Variants in SPAG16 observed in about 807,000 individuals in gnomAD.
SPAG16 encodes the protein sperm associated antigen 16, also known as sperm-associated antigen 16 protein.
SPAG16 carries 86 observed loss-of-function variants against 80.4 expected under a neutral mutation model. The observed-to-expected ratio is 1.07, with a 90% CI of 0.90 to 1.28. The LOEUF is 1.28. SPAG16 is among the 50% of genes most tolerant of loss of function. The pLI is 0.00. For missense variants in SPAG16, 870 were observed against 765.3 expected (o/e 1.14, Z -1.61); for synonymous variants, 294 against 265.9 (o/e 1.11, Z -1.03).
intron 10 of SPAG16, among the ~76,000 whole-genome samples, chr2:213,547,727 A>G (rs887953746): frequency 7.2e-5 from 11 of 152,194 alleles, no homozygotes; most frequent in African/African-American, 2.7e-4. Flanking sequence ...ACCATACTCC[A>G]CCTGCAAGTA....
chr2:213,457,303 A>G (rs995637313), intron 9 of SPAG16, among the ~76,000 whole-genome samples: 3 of 152,180 alleles, frequency 2.0e-5, no homozygotes, highest in African/African-American at 7.2e-5. Context: ...GGTTTAGAGT[A>G]GGGTGGAGAC....
chr2:213,951,527 C>T (rs1275935587), intron 12 of SPAG16, among the ~76,000 whole-genome samples: 1 of 152,048 alleles, frequency 6.6e-6, no homozygotes. Context: ...GACAAAAGCA[C>T]ATAAAAGAGA....
intron 10 of SPAG16, among the ~76,000 whole-genome samples, chr2:213,626,529 T>C (rs1462983168): frequency 6.6e-6 from 1 of 152,160 alleles, no homozygotes; most frequent in African/African-American, 2.4e-5. Flanking sequence ...CAACATCTGT[T>C]TACAAATTTA....
intron 10 of SPAG16, among the ~76,000 whole-genome samples, chr2:213,651,781 T>G (rs1039116873): frequency 6.6e-6 from 1 of 152,214 alleles, no homozygotes; most frequent in African/African-American, 2.4e-5. Flanking sequence ...CGATATTGTT[T>G]GGGTATTGTG....
At chr2:213,867,513 T>G (rs190685504) in intron 11 of SPAG16, among the ~76,000 whole-genome samples, 33 of 152,330 alleles carry the variant, frequency 2.2e-4, no homozygotes, top group African/African-American at 7.9e-4. Flanking sequence ...ATAGTTTGAT[T>G]GTGAAGACTA....
At chr2:213,431,627 A>G (rs1340631691) in intron 9 of SPAG16, among the ~76,000 whole-genome samples, 16 of 152,152 alleles carry the variant, frequency 1.1e-4, no homozygotes, top group Admixed American at 7.9e-4. Flanking sequence ...CTAGACCTAA[A>G]GAAAGAGATA....
intron 11 of SPAG16, among the ~76,000 whole-genome samples, chr2:213,886,332 A>T (rs1295817139): frequency 6.6e-6 from 1 of 152,120 alleles, no homozygotes; most frequent in Non-Finnish European, 1.5e-5. Flanking sequence ...GGATATTCAG[A>T]AACTAGAATC....
intron 10 of SPAG16, among the ~76,000 whole-genome samples, chr2:213,669,494 A>C (rs1037013346): frequency 6.6e-6 from 1 of 152,252 alleles, no homozygotes; most frequent in Non-Finnish European, 1.5e-5. Flanking sequence ...TATTCAATGA[A>C]TAGTTAAGCA....
intron 15 of SPAG16, among the ~76,000 whole-genome samples, chr2:214,350,028 T>A (rs939993621): frequency 1.1e-4 from 17 of 152,254 alleles, no homozygotes; most frequent in Non-Finnish European, 2.1e-4. Flanking sequence ...GCAAAGCTAA[T>A]GTTCCTCTCA....
chr2:213,676,526 A>G (rs1292945623), intron 10 of SPAG16, among the ~76,000 whole-genome samples: 8 of 152,012 alleles, frequency 5.3e-5, no homozygotes, highest in Non-Finnish European at 8.8e-5. Context: ...GGTTTGTCAT[A>G]GATAGCTCTT....
chr2:213,580,237 C>A (rs1362455469), intron 10 of SPAG16, among the ~76,000 whole-genome samples: 1 of 152,074 alleles, frequency 6.6e-6, no homozygotes, highest in Non-Finnish European at 1.5e-5. Context: ...AGTTTATTAC[C>A]ATTAGATCAT....
Position 214,165,469 on chromosome 2 carries a change from C to CTTTTTTTTTTTTTTTTTTT in SPAG16, c.1720+16222_1720+16240dup, listed in dbSNP as rs67726428. 1.1e-4 allele frequency among the ~76,000 whole-genome samples: 4 copies of CTTTTTTTTTTTTTTTTTTT among 37,856 alleles called. 1 individual carries two copies. Among genetic ancestry groups the CTTTTTTTTTTTTTTTTTTT allele is most frequent in the African/African-American group, 4.2e-4 (3 of 7,174 alleles). The allele number at this position is 37,856 out of a possible 152,430, so 24.8% of individuals were successfully genotyped here. ...TTTAAAAATGCTTTGCATCACCATCCTTTTTTTTTTTTTTTTTTTTTTTTT... is the reference window on the plus strand; with the variant it reads ...TTTAAAAATGCTTTGCATCACCATCCTTTTTTTTTTTTTTTTTTTTTTTTTTTTTTTTTTTTTTTTTTTT... On this transcript the variant is annotated intron_variant, in intron 15 of 15. Transcript: ENST00000331683.
intron 9 of SPAG16, among the ~76,000 whole-genome samples, chr2:213,401,374 CGTT>C (rs370299807): frequency 3.9e-5 from 6 of 152,014 alleles, no homozygotes; most frequent in African/African-American, 1.4e-4. Context: ...TGTTTATTTC[CGTT>C]GTTTTGCTGT....
At chr2:213,944,637 T>G (rs2079360499) in intron 12 of SPAG16, among the ~76,000 whole-genome samples, 1 of 152,168 alleles carries the variant, frequency 6.6e-6, no homozygotes, top group Non-Finnish European at 1.5e-5. Context: ...TGGCATGGAA[T>G]TAATGTATTT....
intron 8 of SPAG16, among the ~76,000 whole-genome samples, chr2:213,370,088 G>T (rs1042144540): frequency 1.3e-5 from 2 of 152,094 alleles, no homozygotes; most frequent in African/African-American, 4.8e-5. Flanking sequence ...AATATTTTAT[G>T]TTAAAGTAGT....
rs143428911 is a variant in SPAG16, at chr2:213,351,605, C to G, written c.762+960C>G. Among the ~76,000 whole-genome samples, 797 of 152,228 alleles carry G rather than the reference C, an allele frequency of 5.2e-3. 4 individuals are homozygous for G. Among genetic ancestry groups the G allele is most frequent in the African/African-American group, 0.017 (705 of 41,546 alleles). On this transcript the variant is annotated intron_variant, in intron 7 of 15. Coordinates refer to ENST00000331683, the MANE Select transcript of SPAG16 (RefSeq NM_024532.5). ...TTTTTTAGAATATATAAAACTGCAACTATGCTTAACATTCTATTATTGTTT... is the reference window on the plus strand; with the variant it reads ...TTTTTTAGAATATATAAAACTGCAAGTATGCTTAACATTCTATTATTGTTT...
At chr2:213,817,049 A>G (rs1487509216) in intron 10 of SPAG16, among the ~76,000 whole-genome samples, 1 of 151,892 alleles carries the variant, frequency 6.6e-6, no homozygotes, top group African/African-American at 2.4e-5. Flanking sequence ...TAAAAGGCAA[A>G]CTTATAAAAC....
intron 13 of SPAG16, among the ~76,000 whole-genome samples, chr2:214,091,357 C>G (rs2052194644): frequency 6.6e-6 from 1 of 152,064 alleles, no homozygotes; most frequent in Non-Finnish European, 1.5e-5. Context: ...TAGCAACTTA[C>G]CAAGCTGGGA....
intron 9 of SPAG16, chr2:213,422,654 A>C: frequency 4.0e-6 from 1 of 247,110 alleles, no homozygotes; most frequent in African/African-American, 2.2e-5. Context: ...CCTTCCCCTT[A>C]CTCTCCTTCC....
Sources: allele counts gnomAD v4.1 joint callset (sites outside exome capture counted in the v4.1 genomes callset), GRCh38; gene constraint gnomAD v4.1.1; transcripts MANE v1.5; gene names NCBI Gene and HGNC (gene_info 2026-07-23, HGNC 2026-07-21).